The following FAM135B variants were observed in gnomAD, a reference collection of about 807,000 sequenced individuals.
The protein encoded by FAM135B is protein FAM135B.
Under a neutral mutation model 127.7 loss-of-function variants are expected in FAM135B, and 43 were observed. That is an observed-to-expected ratio of 0.34 (90% CI 0.26 to 0.43). FAM135B has a LOEUF of 0.43. Ranked by LOEUF, FAM135B falls within the 20% of genes least tolerant of loss-of-function variation. The pLI is 1.00. For missense variants in FAM135B, 1,558 were observed against 1,725.6 expected, an observed-to-expected ratio of 0.90 and a Z score of 1.72; for synonymous variants, 670 against 665.1, an observed-to-expected ratio of 1.01 and a Z score of -0.11.
chr8:138,360,446 C>A (rs563129488), intron 2 of FAM135B, among the ~76,000 whole-genome samples: 1 of 152,324 alleles, frequency 6.6e-6, no homozygotes, highest in South Asian at 2.1e-4. Flanking sequence ...GGAAAGCTAA[C>A]ACAAAGTCTC....
chr8:138,295,996 C>T (rs944482962), intron 3 of FAM135B, among the ~76,000 whole-genome samples: 8 of 152,086 alleles, frequency 5.3e-5, no homozygotes, highest in African/African-American at 1.4e-4. Context: ...GGCATGCATC[C>T]GGGATGATTT....
chr8:138,338,502 T>C (rs1444942156), intron 2 of FAM135B, among the ~76,000 whole-genome samples: 2 of 151,640 alleles, frequency 1.3e-5, no homozygotes, highest in Admixed American at 6.6e-5. Flanking sequence ...AAAAGACACA[T>C]GAAAAAATGC....
rs553463213 is a variant in FAM135B, at chr8:138,274,934, C to T, written c.158-9092G>A. 6.5e-3 allele frequency among the ~76,000 whole-genome samples: 971 copies of T among 149,142 alleles called. 12 individuals carry two copies. Among genetic ancestry groups the T allele is most frequent in the African/African-American group, 0.023 (912 of 40,346 alleles). ...TCATATTGCTCAAACACACGATGTA[C>T]AATTTGTGCAGTTAATGCAATTATT... is the stretch of plus-strand genomic sequence containing the variant. On this transcript the variant is annotated intron_variant, in intron 3 of 19. Transcript: ENST00000395297.
intron 1 of FAM135B, among the ~76,000 whole-genome samples, chr8:138,421,200 C>T (rs1834486270): frequency 2.0e-5 from 3 of 152,108 alleles, no homozygotes; most frequent in Non-Finnish European, 4.4e-5. Context: ...GTAGTCCCAG[C>T]TACTCAGGAG....
chr8:138,246,608 G>T (rs185438411), intron 6 of FAM135B, among the ~76,000 whole-genome samples: 280 of 152,328 alleles, frequency 1.8e-3, no homozygotes, highest in African/African-American at 6.4e-3. Flanking sequence ...GCAGAAGTTT[G>T]CTGCAGGAGC....
intron 5 of FAM135B, among the ~76,000 whole-genome samples, chr8:138,256,046 G>A (rs1192396193): frequency 6.6e-6 from 1 of 152,080 alleles, no homozygotes; most frequent in East Asian, 1.9e-4. Flanking sequence ...CAATGGATGA[G>A]GTTTAGAGTT....
intron 1 of FAM135B, among the ~76,000 whole-genome samples, chr8:138,426,463 C>T (rs1385974780): frequency 6.6e-6 from 1 of 150,842 alleles, no homozygotes; most frequent in African/African-American, 2.4e-5. Context: ...CACAACTGTG[C>T]CATTCTTGGT....
intron 1 of FAM135B, among the ~76,000 whole-genome samples, chr8:138,446,210 G>A (rs375469440): frequency 1.2e-4 from 19 of 152,266 alleles, no homozygotes; most frequent in East Asian, 9.7e-4. Flanking sequence ...AATCAATATC[G>A]TGAAAATGGC....
At chr8:138,430,577 C>T (rs1262772517) in intron 1 of FAM135B, among the ~76,000 whole-genome samples, 4 of 152,062 alleles carry the variant, frequency 2.6e-5, no homozygotes, top group African/African-American at 7.2e-5. Context: ...CACAAGGTGA[C>T]GGTGGAAGTT....
At chr8:138,491,319 C>T (rs2131697624) in intron 1 of FAM135B, among the ~76,000 whole-genome samples, 1 of 152,236 alleles carries the variant, frequency 6.6e-6, no homozygotes, top group South Asian at 2.1e-4. Flanking sequence ...CAGAACTCAA[C>T]CAGGCCCACA....
rs1293504002 is a variant in FAM135B, at chr8:138,152,130, G to T, written c.2345C>A (p.Ala782Asp). 6.2e-7 allele frequency: 1 copy of T among 1,613,922 alleles called. No homozygotes were observed. The highest frequency in any genetic ancestry group is 1.7e-5 in the Admixed American group (1 of 60,024). Reference sequence around the variant, plus strand: ...CTGCTTGGTGTCCGCATCTTCAGCAGCCTCCTCTGGGCTACTGATGTGGGG... The same window carrying T: ...CTGCTTGGTGTCCGCATCTTCAGCATCCTCCTCTGGGCTACTGATGTGGGG... ...SAPHISSPEE[A>D]AEDADTKQQD... The change falls in exon 13 of 20, where the codon GCT becomes GAT. Residue 782 changes from alanine to aspartate, a missense_variant. This residue lies in a region of FAM135B where 923 missense variants were observed against 865.3 expected (regional missense o/e 1.07). Transcript: ENST00000395297.
chr8:138,329,004 A>T (rs1198013748), intron 2 of FAM135B, among the ~76,000 whole-genome samples: 2 of 152,230 alleles, frequency 1.3e-5, no homozygotes, highest in Non-Finnish European at 2.9e-5. Flanking sequence ...CAAACAAAAC[A>T]CCCACAAATA....
At chr8:138,325,843 G>C (rs1456281724) in intron 2 of FAM135B, among the ~76,000 whole-genome samples, 1 of 152,140 alleles carries the variant, frequency 6.6e-6, no homozygotes, top group Non-Finnish European at 1.5e-5. Context: ...ATTTGCAAAT[G>C]AAGATTTCAG....
At chr8:138,250,130 A>G (rs192973366) in intron 6 of FAM135B, among the ~76,000 whole-genome samples, 1 of 152,310 alleles carries the variant, frequency 6.6e-6, no homozygotes, top group East Asian at 1.9e-4. Context: ...AGGAGGGTGG[A>G]TCACCTGAGG....
intron 1 of FAM135B, among the ~76,000 whole-genome samples, chr8:138,410,640 G>A (rs1454868533): frequency 2.6e-5 from 4 of 152,168 alleles, no homozygotes; most frequent in African/African-American, 7.2e-5. Flanking sequence ...AACAACAGAT[G>A]TTGGCAAGGC....
intron 7 of FAM135B, among the ~76,000 whole-genome samples, chr8:138,218,766 CAGAGAGAGAG>C (rs34578685): frequency 1.4e-4 from 11 of 80,498 alleles, no homozygotes; most frequent in Admixed American, 8.0e-4. Flanking sequence ...CACACACACA[CAGAGAGAGAG>C]AGAGAGAGAG....
chr8:138,220,061 TCACACACACA>T (rs3221962), intron 7 of FAM135B, among the ~76,000 whole-genome samples: 1 of 146,412 alleles, frequency 6.8e-6, no homozygotes, highest in Non-Finnish European at 1.5e-5. Context: ...TTGCCTAAAA[TCACACACACA>T]CACACACACA....
At chr8:138,423,092 A>C (rs1253717094) in intron 1 of FAM135B, among the ~76,000 whole-genome samples, 1 of 152,150 alleles carries the variant, frequency 6.6e-6, no homozygotes, top group African/African-American at 2.4e-5. Flanking sequence ...TAATAGGGAA[A>C]CAACAGACAC....
At chr8:138,492,398 C>T (rs1815238006) in intron 1 of FAM135B, among the ~76,000 whole-genome samples, 1 of 152,080 alleles carries the variant, frequency 6.6e-6, no homozygotes, top group Non-Finnish European at 1.5e-5. Flanking sequence ...CTTTTTCCCA[C>T]CTCTCATTAC....
Sources: allele counts gnomAD v4.1 joint callset (sites outside exome capture counted in the v4.1 genomes callset), GRCh38; gene constraint gnomAD v4.1.1; regional missense constraint gnomAD v4.1.1; transcripts MANE v1.5; gene names NCBI Gene and HGNC (gene_info 2026-07-23, HGNC 2026-07-21).